Variants in CARNMT1 observed in about 807,000 individuals in gnomAD.
The protein encoded by CARNMT1 is protein-L-histidine N-pros-methyltransferase CARNMT1.
Under a neutral mutation model 49.6 loss-of-function variants are expected in CARNMT1, and 28 were observed. That is an observed-to-expected ratio of 0.56 (90% CI 0.42 to 0.77). The LOEUF is 0.77. Among genes scored for constraint, CARNMT1 ranks in the 30% least tolerant of loss-of-function variants. CARNMT1 has a pLI of 0.00. For synonymous variants in CARNMT1, 178 were observed against 175.0 expected (o/e 1.02, Z -0.13); for missense variants, 421 against 512.6 (o/e 0.82, Z 1.73).
At chr9:75,006,290 G>C (rs1833510077) in intron 3 of CARNMT1, among the ~76,000 whole-genome samples, 1 of 152,050 alleles carries the variant, frequency 6.6e-6, no homozygotes, top group Admixed American at 6.5e-5. Context: ...GACTGCAAGT[G>C]ATCCACCCAC....
intron 1 of CARNMT1, 45 bp downstream of exon 1, chr9:75,027,966 TG>T (rs2118890010): frequency 6.6e-7 from 1 of 1,510,544 alleles, no homozygotes; most frequent in African/African-American, 1.5e-5. Context: ...CCGCCACCAG[TG>T]GGCGCCCCGA....
At chr9:74,990,879 C>G (rs1220754585) in intron 6 of CARNMT1, among the ~76,000 whole-genome samples, 2 of 151,886 alleles carry the variant, frequency 1.3e-5, no homozygotes, top group South Asian at 2.1e-4. Context: ...TCTAAAAGTT[C>G]TGGTTAAGAG....
intron 3 of CARNMT1, among the ~76,000 whole-genome samples, chr9:75,012,466 T>C (rs562226407): frequency 3.9e-5 from 6 of 152,136 alleles, no homozygotes; most frequent in Admixed American, 6.5e-5. Context: ...TTTGTATTTT[T>C]AGTAGAGACG....
intron 1 of CARNMT1, among the ~76,000 whole-genome samples, chr9:75,021,442 T>A (rs1300462838): frequency 2.8e-5 from 4 of 144,192 alleles, no homozygotes; most frequent in African/African-American, 1.0e-4. Context: ...GTATATATAA[T>A]ATAAATAGTA....
intron 3 of CARNMT1, among the ~76,000 whole-genome samples, chr9:75,007,077 C>T (rs72732925): frequency 0.057 from 8,658 of 152,208 alleles, 272 homozygotes; most frequent in Middle Eastern, 0.095. Flanking sequence ...TATTAAAAGC[C>T]TTATCAATTA....
intron 6 of CARNMT1, among the ~76,000 whole-genome samples, chr9:74,994,505 G>T (rs1254106842): frequency 6.6e-6 from 1 of 152,094 alleles, no homozygotes; most frequent in Non-Finnish European, 1.5e-5. Context: ...GGATTTTGAA[G>T]TATCTGTGGT....
intron 3 of CARNMT1, among the ~76,000 whole-genome samples, chr9:75,009,449 CT>C (rs1449925625): frequency 4.6e-5 from 7 of 151,702 alleles, no homozygotes; most frequent in Non-Finnish European, 1.0e-4. Context: ...CCAAGTATTT[CT>C]TAATGTTGCA....
chr9:75,016,189 G>T, intron 3 of CARNMT1, 79 bp downstream of exon 3: 1 of 1,093,472 alleles, frequency 9.1e-7, no homozygotes, highest in Non-Finnish European at 1.4e-6. Context: ...ACAATGAAGC[G>T]AGACTGTGAA....
chr9:74,993,575 T>C (rs1833097418), intron 6 of CARNMT1, among the ~76,000 whole-genome samples: 1 of 152,160 alleles, frequency 6.6e-6, no homozygotes, highest in Admixed American at 6.5e-5. Context: ...GTAATCCTAA[T>C]GCTAATCCAG....
At chr9:74,997,954 C>T (rs1587663825) in intron 5 of CARNMT1, among the ~76,000 whole-genome samples, 1 of 152,084 alleles carries the variant, frequency 6.6e-6, no homozygotes. Context: ...GCTGAACCCT[C>T]GGTATTCTAT....
At chr9:75,023,149 A>G (rs1187608387) in intron 1 of CARNMT1, among the ~76,000 whole-genome samples, 4 of 151,640 alleles carry the variant, frequency 2.6e-5, no homozygotes, top group Non-Finnish European at 5.9e-5. Context: ...AAAAAAAAAA[A>G]AAAAGAAAAA....
At chr9:74,992,365 G>C (rs1833053073) in intron 6 of CARNMT1, among the ~76,000 whole-genome samples, 1 of 151,816 alleles carries the variant, frequency 6.6e-6, no homozygotes, top group Non-Finnish European at 1.5e-5. Flanking sequence ...ATCTCCTTTG[G>C]TACTTTTACC....
Position 75,021,298 on chromosome 9 carries a change from ATAC to A in CARNMT1, c.231-3853_231-3851del, listed in dbSNP as rs547681658. Among the ~76,000 whole-genome samples, 1,248 of 134,674 alleles carry A rather than the reference ATAC, an allele frequency of 9.3e-3. 21 individuals carry two copies. The highest frequency in any genetic ancestry group is 0.03 in the African/African-American group (1,165 of 39,314). 88.4% of individuals were successfully genotyped at this position (134,674 alleles called of 152,430 possible). On this transcript the variant is annotated intron_variant, in intron 1 of 7. Coordinates refer to ENST00000376834, the MANE Select transcript of CARNMT1 (RefSeq NM_152420.3). The stretch of plus-strand genomic sequence containing the variant: ...TATACATAGTATATACATAGTATAT[ATAC>A]TACTATATACATACCATATATATTA...
At position 74,996,223 on chromosome 9, in the gene CARNMT1, A is replaced by G. The variant is rs984412536; in HGVS notation, c.1024+224T>C. On this transcript the variant is annotated intron_variant, in intron 6 of 7. Transcript: ENST00000376834. ...ACAATTAGTATACACTGAAATTACA[A>G]TGACTGTGAGACTGACCTAAGTGTG... The G allele has an allele frequency of 7.9e-6, 3 of 379,770 alleles. No homozygotes were observed. The Admixed American group carries it at 1.3e-4, about 16-fold the overall frequency. The allele number at this position is 379,770 out of a possible 1,614,324, so 23.5% of individuals were successfully genotyped here.
At chr9:75,009,688 A>G (rs895814007) in intron 3 of CARNMT1, 2 of 151,048 alleles carry the variant, frequency 1.3e-5, no homozygotes, top group Non-Finnish European at 2.9e-5. Flanking sequence ...CCTTCTCCCC[A>G]CCCCCCAGCC....
intron 6 of CARNMT1, among the ~76,000 whole-genome samples, chr9:74,986,074 A>C (rs1377850949): frequency 6.6e-6 from 1 of 152,180 alleles, no homozygotes; most frequent in Non-Finnish European, 1.5e-5. Flanking sequence ...CCAATCCATC[A>C]ACCTCATCCA....
At chr9:75,018,286 A>T (rs541744800) in intron 1 of CARNMT1, among the ~76,000 whole-genome samples, 2 of 151,970 alleles carry the variant, frequency 1.3e-5, no homozygotes, top group South Asian at 4.2e-4. Context: ...CTGGTCTCAA[A>T]CTCCGGGGCT....
At chr9:75,009,046 C>T (rs1190724207) in intron 3 of CARNMT1, among the ~76,000 whole-genome samples, 1 of 145,396 alleles carries the variant, frequency 6.9e-6, no homozygotes, top group Admixed American at 7.0e-5. Context: ...ACCATTCAAT[C>T]GGGAAAGGAC....
At chr9:75,017,590 A>ATCTCTT in intron 1 of CARNMT1, 142 bp from the exon 2 acceptor site, 3 of 689,414 alleles carry the variant, frequency 4.4e-6, no homozygotes, top group Non-Finnish European at 7.1e-6. Flanking sequence ...GGCTTTAAAA[A>ATCTCTT]GGCATTAACT....
Sources: allele counts gnomAD v4.1 joint callset (sites outside exome capture counted in the v4.1 genomes callset), GRCh38; gene constraint gnomAD v4.1.1; transcripts MANE v1.5; gene names NCBI Gene and HGNC (gene_info 2026-07-23, HGNC 2026-07-21).